The following ZNF573 variants were observed in gnomAD, a reference collection of about 807,000 sequenced individuals.
The protein encoded by ZNF573 is zinc finger protein 573.
ZNF573 carries 41 observed loss-of-function variants against 57.4 expected under a neutral mutation model. The observed-to-expected ratio is 0.71, with a 90% CI of 0.56 to 0.93. The LOEUF (loss-of-function observed/expected upper bound fraction) is 0.93, where lower values mean the gene tolerates loss of function less well. Among genes scored for constraint, ZNF573 ranks in the 40% least tolerant of loss-of-function variants. ZNF573 has a pLI of 0.00. For synonymous variants in ZNF573, 249 were observed against 261.0 expected, an observed-to-expected ratio of 0.95 and a Z score of 0.44; for missense variants, 730 against 794.8, an observed-to-expected ratio of 0.92 and a Z score of 0.98.
intron 4 of ZNF573, among the ~76,000 whole-genome samples, chr19:37,749,129 T>G (rs867525452): frequency 1.4e-4 from 21 of 151,800 alleles, no homozygotes; most frequent in African/African-American, 4.8e-4. Flanking sequence ...GAGATGTACA[T>G]AGTTAAGAGG....
chr19:37,744,789 C>CT lies in ZNF573; in HGVS notation c.296-4596dup, dbSNP rs939679836. Among the ~76,000 whole-genome samples the CT allele has an allele frequency of 7.9e-4, 115 of 145,432 alleles. 1 individual carries two copies. Among genetic ancestry groups the CT allele is most frequent in the African/African-American group, 2.1e-3 (82 of 39,828 alleles). The stretch of plus-strand genomic sequence containing the variant: ...AAAAAGAAAAAAGAAAAAGAAAACA[C>CT]TTTTTTTTTTGAGATGGCATCTCGC... On this transcript the variant is annotated intron_variant, in intron 4 of 4. Coordinates refer to ENST00000536220, the MANE Select transcript of ZNF573 (RefSeq NM_001172690.2).
At chr19:37,766,478 C>A (rs1341739573) in intron 4 of ZNF573, among the ~76,000 whole-genome samples, 1 of 152,232 alleles carries the variant, frequency 6.6e-6, no homozygotes, top group African/African-American at 2.4e-5. Flanking sequence ...TCCATCAACT[C>A]TTAAATGGCA....
intron 4 of ZNF573, among the ~76,000 whole-genome samples, chr19:37,746,655 C>T (rs1031097946): frequency 7.9e-5 from 12 of 152,102 alleles, no homozygotes; most frequent in Admixed American, 7.9e-4. Context: ...TCTTGGCTCA[C>T]TGCAACCTCT....
At position 37,748,882 on chromosome 19, in the gene ZNF573, G is replaced by A. The variant is rs542486391; in HGVS notation, c.296-8688C>T. On this transcript the variant is annotated intron_variant, in intron 4 of 4. Coordinates refer to ENST00000536220, the MANE Select transcript of ZNF573 (RefSeq NM_001172690.2). ...GCAGAGGTTGCAGTGAGCCGAGATA[G>A]CACCACTGCATTCCAGCCTGGGCGA... 6.8e-3 allele frequency among the ~76,000 whole-genome samples: 929 copies of A among 135,692 alleles called. 30 individuals are homozygous for A. The highest frequency in any genetic ancestry group is 0.057 in the East Asian group (264 of 4,670). 89.0% of individuals were successfully genotyped at this position (135,692 alleles called of 152,430 possible). A position where few individuals can be genotyped will look rare whatever the true frequency, so the allele number is the denominator to read the frequency against.
Position 37,739,779 on chromosome 19 carries a change from C to T in ZNF573, c.711G>A (p.Glu237=). 1 of 1,614,132 alleles carries T rather than the reference C, an allele frequency of 6.2e-7. No homozygotes were observed. Among genetic ancestry groups the T allele is most frequent in the African/African-American group, 1.3e-5 (1 of 75,032 alleles). The stretch of plus-strand genomic sequence containing the variant: ...ACGGCTTCCCACCAGTGTGAATTCT[C>T]TCATGTTGAACAATGTGTGAGGCAT... ...FIYASHIVQH[E]RIHTGGKPYE... The change falls in exon 5 of 5, where the codon GAG becomes GAA. Residue 237 remains glutamate (E), a synonymous_variant. Coordinates refer to ENST00000536220, the MANE Select transcript of ZNF573 (RefSeq NM_001172690.2).
intron 4 of ZNF573, among the ~76,000 whole-genome samples, chr19:37,763,751 T>C (rs1447886033): frequency 6.6e-6 from 1 of 151,822 alleles, no homozygotes; most frequent in African/African-American, 2.4e-5. Context: ...GTTCTAAGAA[T>C]GTTTTATGTG....
chr19:37,738,654 A>G lies in ZNF573; in HGVS notation c.1836T>C (p.Cys612=), dbSNP rs762517555. The change falls in exon 5 of 5, where the codon TGT becomes TGC. Residue 612 remains cysteine (C), a synonymous_variant. Coordinates refer to ENST00000536220, the MANE Select transcript of ZNF573 (RefSeq NM_001172690.2). The part of the protein sequence containing the change: ...KIHTGGKPYE[C]KECGKAFSRA... ...GACTGAAGGCCTTCCCACATTCTTT[A>G]CATTCATAAGGTTTTCCACCAGTAT... The G allele has an allele frequency of 1.2e-6, 2 of 1,611,342 alleles. No homozygotes were observed. Among genetic ancestry groups the G allele is most frequent in the African/African-American group, 1.3e-5 (1 of 74,762 alleles).
intron 4 of ZNF573, among the ~76,000 whole-genome samples, chr19:37,758,202 A>AATATATAT (rs550290940): frequency 1.2e-4 from 2 of 17,190 alleles, no homozygotes; most frequent in Non-Finnish European, 1.4e-4. Flanking sequence ...AGTATAATAA[A>AATATATAT]ATATATATAT....
intron 4 of ZNF573, among the ~76,000 whole-genome samples, chr19:37,763,812 C>A (rs2045574829): frequency 1.3e-5 from 2 of 151,832 alleles, no homozygotes; most frequent in Non-Finnish European, 2.9e-5. Flanking sequence ...GCCTGTAATC[C>A]CAACACTTTG....
intron 4 of ZNF573, among the ~76,000 whole-genome samples, chr19:37,747,767 A>G (rs939477849): frequency 1.3e-5 from 2 of 151,830 alleles, no homozygotes; most frequent in African/African-American, 2.4e-5. Context: ...GGCTCACTGC[A>G]AACTCTGCCT....
chr19:37,769,553 G>A (rs1318063613), intron 4 of ZNF573, among the ~76,000 whole-genome samples: 6 of 150,912 alleles, frequency 4.0e-5, no homozygotes, highest in African/African-American at 7.3e-5. Flanking sequence ...TGGTGAAACC[G>A]TGTCTCTACT....
At chr19:37,763,349 G>C (rs943700330) in intron 4 of ZNF573, among the ~76,000 whole-genome samples, 1 of 151,032 alleles carries the variant, frequency 6.6e-6, no homozygotes, top group African/African-American at 2.4e-5. Flanking sequence ...TTGGGAGGCC[G>C]TGGTGGGCAG....
At position 37,772,185 on chromosome 19, in the gene ZNF573, G is replaced by A. The variant is rs1353459982; in HGVS notation, c.70-489C>T. On this transcript the variant is annotated intron_variant, in intron 2 of 4. Coordinates refer to ENST00000536220, the MANE Select transcript of ZNF573 (RefSeq NM_001172690.2). Reference sequence around the variant, plus strand: ...GGGTCTCACTCCTGCCCAGGCTGGAGTGCAGTGACTCAAACATGGCTCATT... The same window carrying A: ...GGGTCTCACTCCTGCCCAGGCTGGAATGCAGTGACTCAAACATGGCTCATT... Among the ~76,000 whole-genome samples, 9 of 152,178 alleles carry A rather than the reference G, an allele frequency of 5.9e-5. No homozygotes were observed. The East Asian group carries it at 1.5e-3, about 26-fold the overall frequency.
chr19:37,774,389 C>T (rs536484484), intron 1 of ZNF573, among the ~76,000 whole-genome samples: 2 of 152,104 alleles, frequency 1.3e-5, no homozygotes, highest in South Asian at 4.2e-4. Flanking sequence ...GATTCACCCG[C>T]CTTGGCCTCC....
intron 4 of ZNF573, among the ~76,000 whole-genome samples, chr19:37,745,937 TTCAAATA>T (rs2045378352): frequency 6.6e-6 from 1 of 152,180 alleles, no homozygotes; most frequent in Admixed American, 6.5e-5. Flanking sequence ...ATAGATACAA[TTCAAATA>T]CTGCAGAGCT....
At chr19:37,757,745 A>G (rs1363880325) in intron 4 of ZNF573, among the ~76,000 whole-genome samples, 1 of 152,178 alleles carries the variant, frequency 6.6e-6, no homozygotes, top group African/African-American at 2.4e-5. Flanking sequence ...ATGCACATGT[A>G]TGTTTATTGC....
intron 4 of ZNF573, among the ~76,000 whole-genome samples, chr19:37,756,656 T>A (rs1182055164): frequency 6.6e-6 from 1 of 152,158 alleles, no homozygotes; most frequent in Non-Finnish European, 1.5e-5. Context: ...CGGTAAGGAA[T>A]CTGTTCTTTT....
intron 4 of ZNF573, among the ~76,000 whole-genome samples, chr19:37,743,683 G>A (rs922460012): frequency 6.6e-6 from 1 of 152,158 alleles, no homozygotes; most frequent in African/African-American, 2.4e-5. Context: ...AAAGACACAT[G>A]TGCATGTACG....
At chr19:37,751,646 AT>A (rs1200657402) in intron 4 of ZNF573, among the ~76,000 whole-genome samples, 14 of 95,998 alleles carry the variant, frequency 1.5e-4, no homozygotes, top group Non-Finnish European at 2.5e-4. Flanking sequence ...TACTGTGTAT[AT>A]ATACAGTATA....
Sources: allele counts gnomAD v4.1 joint callset (sites outside exome capture counted in the v4.1 genomes callset), GRCh38; gene constraint gnomAD v4.1.1; transcripts MANE v1.5; gene names NCBI Gene and HGNC (gene_info 2026-07-23, HGNC 2026-07-21).